Variants in PDXP observed in about 807,000 individuals in gnomAD.
The protein encoded by PDXP is pyridoxal phosphatase.
In PDXP, 15 loss-of-function variants were observed where a neutral mutation model predicts 14.4. The ratio of observed to expected loss-of-function variants is 1.04; its 90% CI spans 0.70 to 1.60. The LOEUF (loss-of-function observed/expected upper bound fraction) is 1.60, where lower values mean the gene tolerates loss of function less well. PDXP is among the 40% of genes most tolerant of loss of function. The probability of loss-of-function intolerance (pLI) is 0.00; values close to 1 mark genes in which losing one functional copy is unlikely to be tolerated. For missense variants in PDXP, 413 were observed against 427.6 expected, an observed-to-expected ratio of 0.97 and a Z score of 0.30; for synonymous variants, 233 against 205.6, an observed-to-expected ratio of 1.13 and a Z score of -1.14.
intron 1 of PDXP, among the ~76,000 whole-genome samples, chr22:37,664,724 C>T (rs1046937980): frequency 3.3e-5 from 5 of 152,204 alleles, no homozygotes; most frequent in African/African-American, 1.2e-4. Flanking sequence ...GTGGGACAGG[C>T]ACAGTGGACT....
Position 37,658,901 on chromosome 22 carries a change from C to T in PDXP, c.119C>T (p.Ala40Val). Reference sequence around the variant, plus strand: ...AACGGCGAGCGCGCCGTGCCGGGCGCCCCGGAGCTGCTGGAGCGGCTGGCG... The same window carrying T: ...AACGGCGAGCGCGCCGTGCCGGGCGTCCCGGAGCTGCTGGAGCGGCTGGCG... ...LWNGERAVPG[A>V]PELLERLARA... The change falls in exon 1 of 2, where the codon GCC (alanine) becomes GTC (valine). Residue 40 changes from alanine (A) to valine (V), a missense_variant. Coordinates refer to ENST00000215904, the MANE Select transcript of PDXP (RefSeq NM_020315.5). The T allele has an allele frequency of 4.9e-6, 6 of 1,229,058 alleles. No homozygotes were observed. The highest frequency in any genetic ancestry group is 6.1e-6 in the Non-Finnish European group (6 of 983,976). The allele number at this position is 1,229,058 out of a possible 1,614,324, so 76.1% of individuals were successfully genotyped here.
At position 37,665,483 on chromosome 22, in the gene PDXP, T is replaced by G. The variant is rs1921040057; in HGVS notation, c.575-72T>G. 1.0e-5 allele frequency: 13 copies of G among 1,275,066 alleles called. No individual in the cohort carries two copies. In the South Asian group the frequency reaches 1.8e-4, roughly 18 times the overall value. 79.0% of individuals were successfully genotyped at this position (1,275,066 alleles called of 1,614,324 possible). ...TTGACCCTGGCACAATCCACCTCCC[T>G]GGACTTCCAGTTTCAGGGCCTGACG... On this transcript the variant is annotated intron_variant, in intron 1 of 1. Transcript: ENST00000215904.
Position 37,659,132 on chromosome 22 carries a change from GGCTGCGCGCCGA to G in PDXP, c.362_373del (p.Glu121_Ala124del), listed in dbSNP as rs897458816. ...GCCGTGTTCGTGCTGGGCGGCGAGGGGCTGCGCGCCGAGCTGCGCGCCGCGGGGCTGCGCCTG... is the reference window on the plus strand; with the variant it reads ...GCCGTGTTCGTGCTGGGCGGCGAGGGGCTGCGCGCCGCGGGGCTGCGCCTG... On this transcript the variant is annotated inframe_deletion, in exon 1 of 2. Coordinates refer to ENST00000215904, the MANE Select transcript of PDXP (RefSeq NM_020315.5). 2.7e-5 allele frequency: 27 copies of G among 1,017,436 alleles called. No individual in the cohort carries two copies. The East Asian group carries it at 3.9e-4, about 15-fold the overall frequency. The allele number at this position is 1,017,436 out of a possible 1,614,324, so 63.0% of individuals were successfully genotyped here.
Position 37,666,693 on chromosome 22 carries a change from C to T in PDXP, c.*822C>T, listed in dbSNP as rs545424325. On this transcript the variant is annotated 3_prime_UTR_variant, in exon 2 of 2. Transcript: ENST00000215904. ...GCTCTGGGGCTTCTGTGGCCAAGCC[C>T]CACCCTTTCCTGGTCATGGTACCCG... 3 of 167,254 alleles carry T rather than the reference C, an allele frequency of 1.8e-5. No individual in the cohort carries two copies. In the Admixed American group the frequency reaches 2.0e-4, roughly 11 times the overall value. The allele number at this position is 167,254 out of a possible 1,614,324, so 10.4% of individuals were successfully genotyped here.
At position 37,659,123 on chromosome 22, in the gene PDXP, G is replaced by C; in HGVS notation, c.341G>C (p.Gly114Ala). 9.8e-7 allele frequency: 1 copy of C among 1,017,710 alleles called. No individual in the cohort carries two copies. The highest frequency in any genetic ancestry group is 1.2e-6 in the Non-Finnish European group (1 of 853,124). 63.0% of individuals were successfully genotyped at this position (1,017,710 alleles called of 1,614,324 possible). Residue 114 changes from glycine to alanine, a missense_variant, in exon 1 of 2, where the codon GGC becomes GCC. Transcript: ENST00000215904. ...GCGCCGGGCGCCGTGTTCGTGCTGG[G>C]CGGCGAGGGGCTGCGCGCCGAGCTG... Reference protein sequence around the residue: ...PDAPGAVFVLGGEGLRAELRA... With the variant: ...PDAPGAVFVLAGEGLRAELRA...
chr22:37,661,881 G>A (rs992242570), intron 1 of PDXP, among the ~76,000 whole-genome samples: 2 of 149,890 alleles, frequency 1.3e-5, no homozygotes, highest in Non-Finnish European at 1.5e-5. Flanking sequence ...GCTCACCAAC[G>A]GAGCACGTGG....
intron 1 of PDXP, among the ~76,000 whole-genome samples, chr22:37,662,620 A>G (rs1216573412): frequency 5.3e-5 from 8 of 152,224 alleles, no homozygotes; most frequent in African/African-American, 1.9e-4. Flanking sequence ...CTCAAGAGCA[A>G]AAAGAGCAGA....
Position 37,665,731 on chromosome 22 carries a change from G to A in PDXP, c.751G>A (p.Gly251Ser), listed in dbSNP as rs147928683. The A allele has an allele frequency of 7.6e-5, 122 of 1,614,130 alleles. No homozygotes were observed. Among genetic ancestry groups the A allele is most frequent in the East Asian group, 7.4e-4 (33 of 44,890 alleles). ...ETDILFGHRC[G>S]MTTVLTLTGV... is the part of the protein sequence containing the mutation. ...CGACATCCTCTTTGGCCACCGCTGC[G>A]GCATGACCACTGTGCTCACGCTCAC... Residue 251 changes from glycine to serine, a missense_variant, in exon 2 of 2, where the codon GGC becomes AGC. Gly to Ser is a moderately conservative substitution (Grantham distance 56). Coordinates refer to ENST00000215904, the MANE Select transcript of PDXP (RefSeq NM_020315.5).
intron 1 of PDXP, among the ~76,000 whole-genome samples, chr22:37,662,742 C>A (rs1338601688): frequency 6.6e-6 from 1 of 152,182 alleles, no homozygotes; most frequent in African/African-American, 2.4e-5. Flanking sequence ...AATCCCAGCA[C>A]TTTGGGAGGC....
chr22:37,661,917 A>ATTTTTTTTTTTTTTTTTTTTTTTTT (rs763030330), intron 1 of PDXP, among the ~76,000 whole-genome samples: 1 of 71,190 alleles, frequency 1.4e-5, no homozygotes, highest in African/African-American at 6.0e-5. Flanking sequence ...TTTTTCTTTA[A>ATTTTTTTTTTTTTTTTTTTTTTTTT]TTTTTTTTTT....
intron 1 of PDXP, among the ~76,000 whole-genome samples, chr22:37,661,104 TC>T (rs1933193461): frequency 6.6e-6 from 1 of 152,138 alleles, no homozygotes; most frequent in African/African-American, 2.4e-5. Context: ...GTTAAGAGGT[TC>T]CCCAGGGCTC....
At chr22:37,663,170 G>A (rs1933237279) in intron 1 of PDXP, among the ~76,000 whole-genome samples, 2 of 151,650 alleles carry the variant, frequency 1.3e-5, no homozygotes, top group South Asian at 4.2e-4. Context: ...CGGGCATGGT[G>A]GCGGGCGCCT....
intron 1 of PDXP, among the ~76,000 whole-genome samples, chr22:37,662,964 G>A (rs1225411747): frequency 6.6e-6 from 1 of 151,072 alleles, no homozygotes; most frequent in Non-Finnish European, 1.5e-5. Flanking sequence ...CTCCAGCCTG[G>A]GTGACAGAGC....
intron 1 of PDXP, among the ~76,000 whole-genome samples, chr22:37,663,849 G>A (rs963115691): frequency 2.0e-5 from 3 of 151,764 alleles, no homozygotes; most frequent in African/African-American, 7.3e-5. Flanking sequence ...TCGTAGAGAC[G>A]GGGTTTCATG....
At chr22:37,660,537 G>A (rs1331322523) in intron 1 of PDXP, among the ~76,000 whole-genome samples, 1 of 152,240 alleles carries the variant, frequency 6.6e-6, no homozygotes, top group East Asian at 1.9e-4. Context: ...AGAAGCAAAA[G>A]GAGGCTCCTC....
intron 1 of PDXP, among the ~76,000 whole-genome samples, chr22:37,663,575 G>A (rs1007127027): frequency 2.0e-5 from 3 of 151,932 alleles, no homozygotes; most frequent in Non-Finnish European, 4.4e-5. Flanking sequence ...ATGACTGTCC[G>A]GGTCAGTGGC....
intron 1 of PDXP, among the ~76,000 whole-genome samples, chr22:37,659,900 A>G (rs944535554): frequency 6.6e-6 from 1 of 152,208 alleles, no homozygotes; most frequent in Non-Finnish European, 1.5e-5. Context: ...AGGTGTTCAG[A>G]TGATGTAAGT....
chr22:37,662,095 C>A (rs1933219057), intron 1 of PDXP, among the ~76,000 whole-genome samples: 1 of 151,770 alleles, frequency 6.6e-6, no homozygotes, highest in Admixed American at 6.6e-5. Context: ...GTACCCACCA[C>A]CACACGCAGC....
chr22:37,659,103 G>A lies in PDXP; in HGVS notation c.321G>A (p.Pro107=), dbSNP rs977188726. ...RQRLPGPPDA[P]GAVFVLGGEG... ...GCCTGCCCGGGCCTCCGGACGCGCC[G>A]GGCGCCGTGTTCGTGCTGGGCGGCG... Residue 107 remains proline (P), a synonymous_variant, in exon 1 of 2, where the codon CCG becomes CCA. Coordinates refer to ENST00000215904, the MANE Select transcript of PDXP (RefSeq NM_020315.5). The A allele has an allele frequency of 2.9e-6, 3 of 1,043,890 alleles. No homozygotes were observed. The highest frequency in any genetic ancestry group is 7.9e-5 in the East Asian group (1 of 12,582). The allele number at this position is 1,043,890 out of a possible 1,614,324, so 64.7% of individuals were successfully genotyped here.
Sources: allele counts gnomAD v4.1 joint callset (sites outside exome capture counted in the v4.1 genomes callset), GRCh38; gene constraint gnomAD v4.1.1; transcripts MANE v1.5; gene names NCBI Gene and HGNC (gene_info 2026-07-23, HGNC 2026-07-21).